Variants in TUSC3 observed in about 807,000 individuals in gnomAD.
TUSC3 encodes the protein tumor suppressor candidate 3, also known as dolichyl-diphosphooligosaccharide--protein glycosyltransferase subunit TUSC3.
Under a neutral mutation model 44.8 loss-of-function variants are expected in TUSC3, and 45 were observed. The observed-to-expected ratio is 1.00, with a 90% CI of 0.79 to 1.29. The LOEUF (loss-of-function observed/expected upper bound fraction) is 1.29. Ranked by LOEUF, TUSC3 falls within the 50% of genes most tolerant of loss-of-function variation. TUSC3 has a pLI of 0.00. For synonymous variants in TUSC3, 212 were observed against 152.9 expected, an observed-to-expected ratio of 1.39 and a Z score of -2.85; for missense variants, 519 against 437.9, an observed-to-expected ratio of 1.19 and a Z score of -1.65.
chr8:15,783,322 C>G, the TUSC3 span, among the ~76,000 whole-genome samples: 1 of 152,238 alleles, frequency 6.6e-6, no homozygotes, highest in African/African-American at 2.4e-5. Context: ...AGATTTGACG[C>G]AATCCCTATC....
intron 10 of TUSC3, chr8:15,758,377 TTATATA>T (rs1197405556): frequency 1.5e-5 from 5 of 333,702 alleles, no homozygotes; most frequent in African/African-American, 1.1e-4. Context: ...ACTGTCAATT[TTATATA>T]TATATAATTT....
downstream of TUSC3, among the ~76,000 whole-genome samples, chr8:15,769,005 G>A (rs1256239124): frequency 2.6e-5 from 4 of 152,046 alleles, no homozygotes; most frequent in African/African-American, 4.8e-5. Flanking sequence ...ACCGCCAAAA[G>A]TAACTTATAG....
Position 15,450,588 on chromosome 8 carries a change from T to C in TUSC3, n.92-32798T>C, listed in dbSNP as rs374702828. On this transcript the variant is annotated intron_variant and non_coding_transcript_variant, in intron 1 of 5. Transcript: ENST00000503191. ...AGGAGGCTGAGGCAGGAGAATAGCT[T>C]GAACCCGGGCGGCAGAGGTTACGGT... is the stretch of plus-strand genomic sequence containing the variant. 5.3e-4 allele frequency among the ~76,000 whole-genome samples: 80 copies of C among 152,282 alleles called. 2 individuals carry two copies. In the South Asian group the frequency reaches 0.015, roughly 29 times the overall value.
At chr8:15,522,729 T>C (rs1227023470) in intron 2 of TUSC3, among the ~76,000 whole-genome samples, 2 of 152,136 alleles carry the variant, frequency 1.3e-5, no homozygotes, top group Non-Finnish European at 2.9e-5. Context: ...AAGCATCATC[T>C]TGTGAAGCTC....
At position 15,422,895 on chromosome 8, in the gene TUSC3, G is replaced by A. The variant is rs183733175; in HGVS notation, n.91+5590G>A. ...TGGGCTCTAGTGATCCACCCAACTCGGCCTCCCAAAGTGCTGGGATTACAG... is the reference window on the plus strand; with the variant it reads ...TGGGCTCTAGTGATCCACCCAACTCAGCCTCCCAAAGTGCTGGGATTACAG... On this transcript the variant is annotated intron_variant and non_coding_transcript_variant, in intron 1 of 5. Transcript: ENST00000503191. 7.4e-3 allele frequency among the ~76,000 whole-genome samples: 1,125 copies of A among 152,076 alleles called. 6 individuals carry two copies. Among genetic ancestry groups the A allele is most frequent in the Non-Finnish European group, 0.012 (788 of 67,978 alleles).
At chr8:15,781,618 T>C in the TUSC3 span, among the ~76,000 whole-genome samples, 1 of 152,202 alleles carries the variant, frequency 6.6e-6, no homozygotes, top group East Asian at 1.9e-4. Flanking sequence ...GGAATCAGAA[T>C]AGACCAATAA....
intron 2 of TUSC3, among the ~76,000 whole-genome samples, chr8:15,634,468 A>G (rs1032280240): frequency 1.3e-5 from 2 of 152,222 alleles, no homozygotes; most frequent in Non-Finnish European, 2.9e-5. Flanking sequence ...TGAGAGAAAC[A>G]TGAGAGAAAG....
chr8:15,469,949 T>C (rs1217087495), intron 1 of TUSC3, among the ~76,000 whole-genome samples: 5 of 152,114 alleles, frequency 3.3e-5, no homozygotes, highest in Non-Finnish European at 7.4e-5. Flanking sequence ...GGAAAAATTA[T>C]GAAGACAGTA....
At chr8:15,851,854 G>A in the TUSC3 span, among the ~76,000 whole-genome samples, 1 of 152,078 alleles carries the variant, frequency 6.6e-6, no homozygotes, top group East Asian at 1.9e-4. Context: ...GTTGTAGGAG[G>A]GACCCAGTGG....
intron 2 of TUSC3, among the ~76,000 whole-genome samples, chr8:15,650,211 A>C (rs986818098): frequency 6.6e-6 from 1 of 152,224 alleles, no homozygotes; most frequent in East Asian, 1.9e-4. Context: ...AGTATTTAAA[A>C]TTTTAAAACT....
At chr8:15,534,657 A>AC (rs1375603827) in intron 2 of TUSC3, among the ~76,000 whole-genome samples, 1 of 151,776 alleles carries the variant, frequency 6.6e-6, no homozygotes, top group Non-Finnish European at 1.5e-5. Flanking sequence ...AAAAAAAAAA[A>AC]AAAAACTTCA....
In TUSC3 at chr8:15,623,875, G is replaced by A. The variant is rs1371167967; in HGVS notation, c.308+626G>A. On this transcript the variant is annotated intron_variant, in intron 2 of 10. Coordinates refer to ENST00000503731, the MANE Select transcript of TUSC3 (RefSeq NM_006765.4). ...ACTATAGTACAAATTCACAAGTAGG[G>A]TACTGGCATCGATACAGACAAATGC... Among the ~76,000 whole-genome samples the A allele has an allele frequency of 3.9e-5, 6 of 152,054 alleles. No individual in the cohort carries two copies. In the East Asian group the frequency reaches 1.2e-3, roughly 29 times the overall value.
At chr8:15,709,744 A>G (rs1389250200) in intron 6 of TUSC3, among the ~76,000 whole-genome samples, 1 of 151,858 alleles carries the variant, frequency 6.6e-6, no homozygotes, top group East Asian at 1.9e-4. Flanking sequence ...TAGGTAAGGA[A>G]AGTATGGCTT....
intron 2 of TUSC3, among the ~76,000 whole-genome samples, chr8:15,521,340 G>C (rs1042574151): frequency 6.6e-6 from 1 of 152,106 alleles, no homozygotes. Flanking sequence ...AACTAACCTG[G>C]TGGGGGACCT....
At chr8:15,522,143 G>A (rs1483022158) in intron 2 of TUSC3, among the ~76,000 whole-genome samples, 2 of 152,066 alleles carry the variant, frequency 1.3e-5, no homozygotes, top group African/African-American at 2.4e-5. Context: ...CAGGTCAAGA[G>A]TTTTTATACC....
chr8:15,576,185 T>C (rs1409202267), intron 1 of TUSC3, among the ~76,000 whole-genome samples: 1 of 151,262 alleles, frequency 6.6e-6, no homozygotes, highest in Non-Finnish European at 1.5e-5. Context: ...GAGACTGAAT[T>C]ATTAGTTCAC....
chr8:15,623,109 G>C lies in TUSC3; in HGVS notation c.168G>C (p.Leu56=), dbSNP rs1030541312. 15 of 1,613,776 alleles carry C rather than the reference G, an allele frequency of 9.3e-6. No homozygotes were observed. Among genetic ancestry groups the C allele is most frequent in the Admixed American group, 1.7e-5 (1 of 59,980 alleles). ...TTTTAGCTGAAAAAGTAGAGCAGCTGATGGAATGGAGTTCCAGACGCTCAA... is the reference window on the plus strand; with the variant it reads ...TTTTAGCTGAAAAAGTAGAGCAGCTCATGGAATGGAGTTCCAGACGCTCAA... ...ENLLAEKVEQ[L]MEWSSRRSIF... Residue 56 remains leucine (L), a synonymous_variant, in exon 2 of 11, where the codon CTG becomes CTC. Coordinates refer to ENST00000503731, the MANE Select transcript of TUSC3 (RefSeq NM_006765.4).
chr8:15,807,472 A>T, the TUSC3 span, among the ~76,000 whole-genome samples: 5 of 152,104 alleles, frequency 3.3e-5, no homozygotes, highest in Non-Finnish European at 7.4e-5. Context: ...TAATGTCTCA[A>T]AGAATGTAAA....
At chr8:15,552,892 T>C (rs1585094135) in intron 1 of TUSC3, among the ~76,000 whole-genome samples, 1 of 151,472 alleles carries the variant, frequency 6.6e-6, no homozygotes, top group Non-Finnish European at 1.5e-5. Context: ...GATGTCAAAG[T>C]GAGAGGTAAT....
Sources: allele counts gnomAD v4.1 joint callset (sites outside exome capture counted in the v4.1 genomes callset), GRCh38; gene constraint gnomAD v4.1.1; transcripts MANE v1.5; gene names NCBI Gene and HGNC (gene_info 2026-07-23, HGNC 2026-07-21).